Variants in UBA6 observed in about 807,000 individuals in gnomAD.
UBA6 encodes ubiquitin like modifier activating enzyme 6, also known as ubiquitin-like modifier-activating enzyme 6.
UBA6 carries 87 observed loss-of-function variants against 148.3 expected under a neutral mutation model. The observed-to-expected ratio is 0.59, with a 90% CI of 0.49 to 0.70. The LOEUF is 0.70. UBA6 is among the 30% of genes least tolerant of loss of function. The probability of loss-of-function intolerance (pLI) is 0.00; values close to 1 mark genes in which losing one functional copy is unlikely to be tolerated. For synonymous variants in UBA6, 376 were observed against 401.0 expected (o/e 0.94, Z 0.75); for missense variants, 1,186 against 1,241.2 (o/e 0.96, Z 0.67).
At chr4:67,639,250 T>A in intron 18 of UBA6, 126 bp from the exon 19 acceptor site, 1 of 652,718 alleles carries the variant, frequency 1.5e-6, no homozygotes, top group African/African-American at 1.8e-5. Context: ...ATAATGAGAG[T>A]AATGAGACCA....
intron 2 of UBA6, among the ~76,000 whole-genome samples, chr4:67,694,315 T>C (rs1234996189): frequency 1.4e-5 from 2 of 147,424 alleles, no homozygotes; most frequent in East Asian, 3.9e-4. Flanking sequence ...ACATTTAAGT[T>C]AATTTTTAAA....
chr4:67,624,259 T>C lies in UBA6; in HGVS notation c.2713-6A>G, dbSNP rs1358756920. On this transcript the variant is annotated splice_polypyrimidine_tract_variant and splice_region_variant and intron_variant, in intron 29 of 32. Transcript: ENST00000322244. ...TTGATCATCTCCAAGGCAACCTAGA[T>C]AAAAGAAGGTGATCTGATAATATAA... The C allele has an allele frequency of 6.3e-7, 1 of 1,592,378 alleles. No individual in the cohort carries two copies.
chr4:67,650,192 T>C (rs1332831669), intron 13 of UBA6, among the ~76,000 whole-genome samples: 1 of 152,180 alleles, frequency 6.6e-6, no homozygotes, highest in East Asian at 1.9e-4. Flanking sequence ...AATAACAGTA[T>C]AAGTGGGTAC....
chr4:67,662,452 T>G, intron 12 of UBA6, 197 bp from the exon 13 acceptor site: 1 of 459,190 alleles, frequency 2.2e-6, no homozygotes, highest in Non-Finnish European at 3.8e-6. Context: ...TATCAGTATA[T>G]AAATAAGTTT....
At chr4:67,667,601 A>G (rs1178655004) in intron 9 of UBA6, among the ~76,000 whole-genome samples, 2 of 152,046 alleles carry the variant, frequency 1.3e-5, no homozygotes, top group Non-Finnish European at 2.9e-5. Context: ...GATAAAACTG[A>G]ATCAATTTCC....
chr4:67,677,536 A>T (rs1419729808), intron 6 of UBA6, 75 bp downstream of exon 6: 1 of 690,966 alleles, frequency 1.4e-6, no homozygotes, highest in Non-Finnish European at 2.4e-6. Flanking sequence ...AGGTTAAATT[A>T]GTTAAACATA....
intron 17 of UBA6, 106 bp downstream of exon 17, chr4:67,644,591 GC>G: frequency 1.6e-6 from 1 of 630,984 alleles, no homozygotes; most frequent in Non-Finnish European, 2.8e-6. Context: ...TTAGTTTAAT[GC>G]TCTATTTTCA....
chr4:67,670,025 T>C (rs979966099), intron 8 of UBA6, among the ~76,000 whole-genome samples: 1 of 152,216 alleles, frequency 6.6e-6, no homozygotes, highest in Non-Finnish European at 1.5e-5. Flanking sequence ...CTTGGCTTAC[T>C]GCAACTTCCG....
chr4:67,685,620 T>A (rs187212943), intron 2 of UBA6, among the ~76,000 whole-genome samples: 1 of 152,202 alleles, frequency 6.6e-6, no homozygotes, highest in African/African-American at 2.4e-5. Context: ...TGTTGGAAAC[T>A]TAAACCCCGT....
intron 13 of UBA6, among the ~76,000 whole-genome samples, chr4:67,661,126 T>A (rs2109931526): frequency 6.6e-6 from 1 of 152,316 alleles, no homozygotes; most frequent in Non-Finnish European, 1.5e-5. Context: ...GGAAGGGACT[T>A]GCCTTGCTCA....
At chr4:67,640,623 T>C (rs952512933) in intron 18 of UBA6, among the ~76,000 whole-genome samples, 2 of 152,172 alleles carry the variant, frequency 1.3e-5, no homozygotes, top group Non-Finnish European at 2.9e-5. Context: ...TAAACATTCC[T>C]AAAGTAAAAG....
intron 18 of UBA6, among the ~76,000 whole-genome samples, chr4:67,639,556 T>C (rs1468634342): frequency 2.0e-5 from 3 of 152,134 alleles, no homozygotes; most frequent in South Asian, 2.1e-4. Flanking sequence ...ACTTTGGTAC[T>C]AACATATTTT....
At chr4:67,670,681 A>G in intron 7 of UBA6, 89 bp from the exon 8 acceptor site, 1 of 945,376 alleles carries the variant, frequency 1.1e-6, no homozygotes, top group East Asian at 2.4e-5. Flanking sequence ...AATTTAATTT[A>G]TAATTAAGTA....
chr4:67,690,768 T>C (rs1364996871), intron 2 of UBA6, among the ~76,000 whole-genome samples: 1 of 144,478 alleles, frequency 6.9e-6, no homozygotes, highest in Non-Finnish European at 1.5e-5. Flanking sequence ...GGATGACCAT[T>C]ATAAAACAAA....
At chr4:67,680,111 A>G (rs2109948925) in intron 4 of UBA6, among the ~76,000 whole-genome samples, 1 of 152,342 alleles carries the variant, frequency 6.6e-6, no homozygotes, top group Non-Finnish European at 1.5e-5. Flanking sequence ...GGAAAAATGT[A>G]GTATTTATCC....
chr4:67,657,914 C>T (rs576791816), intron 13 of UBA6, among the ~76,000 whole-genome samples: 4 of 151,264 alleles, frequency 2.6e-5, no homozygotes, highest in East Asian at 1.9e-4. Flanking sequence ...CAAAAGAAGA[C>T]ATTTATTCAG....
At chr4:67,627,766 G>T (rs1728903765) in intron 27 of UBA6, among the ~76,000 whole-genome samples, 1 of 151,486 alleles carries the variant, frequency 6.6e-6, no homozygotes, top group Non-Finnish European at 1.5e-5. Context: ...ATTTTGCAGG[G>T]AGGTGGTCAT....
At chr4:67,645,319 G>A (rs1729396761) in intron 16 of UBA6, among the ~76,000 whole-genome samples, 1 of 152,164 alleles carries the variant, frequency 6.6e-6, no homozygotes, top group African/African-American at 2.4e-5. Context: ...ATACAGAATA[G>A]GCTGGGTGAG....
At chr4:67,637,320 G>C (rs1308393527) in intron 19 of UBA6, among the ~76,000 whole-genome samples, 1 of 147,506 alleles carries the variant, frequency 6.8e-6, no homozygotes, top group Non-Finnish European at 1.5e-5. Flanking sequence ...GGAGGTGGGG[G>C]CCAGCCCCCA....
Sources: gnomAD v4.1 joint callset for allele counts (sites outside exome capture counted in the v4.1 genomes callset) on GRCh38, gnomAD v4.1.1 for gene constraint, MANE v1.5 for transcripts, NCBI Gene and HGNC (gene_info 2026-07-23, HGNC 2026-07-21) for gene names.